The following MLXIP variants were observed in gnomAD, a reference collection of about 807,000 sequenced individuals.
MLXIP encodes the protein MLX-interacting protein.
MLXIP carries 30 observed loss-of-function variants against 87.2 expected under a neutral mutation model. That is an observed-to-expected ratio of 0.34 (90% CI 0.26 to 0.47). The LOEUF is 0.47. Among genes scored for constraint, MLXIP ranks in the 20% least tolerant of loss-of-function variants. The probability of loss-of-function intolerance (pLI) is 1.00; values close to 1 mark genes in which losing one functional copy is unlikely to be tolerated. For synonymous variants in MLXIP, 530 were observed against 514.0 expected (o/e 1.03, Z -0.42); for missense variants, 1,002 against 1,240.1 (o/e 0.81, Z 2.88).
chr12:122,107,670 GC>G, intron 1 of MLXIP, among the ~76,000 whole-genome samples: 1 of 152,276 alleles, frequency 6.6e-6, no homozygotes, highest in South Asian at 2.1e-4. Flanking sequence ...GTTCTGAAAG[GC>G]CAGGTGTCTG....
chr12:122,123,047 G>A (rs1009626507), intron 1 of MLXIP, among the ~76,000 whole-genome samples: 5 of 152,056 alleles, frequency 3.3e-5, no homozygotes, highest in East Asian at 3.9e-4. Flanking sequence ...AAGGGTCCCC[G>A]TGGAGGTCTG....
intron 1 of MLXIP, among the ~76,000 whole-genome samples, chr12:122,108,598 C>G (rs1035986953): frequency 1.3e-5 from 2 of 152,080 alleles, no homozygotes; most frequent in African/African-American, 4.8e-5. Context: ...CCTCTAAATG[C>G]ACGCTGGCCC....
chr12:122,112,361 G>A (rs558461420), intron 1 of MLXIP, among the ~76,000 whole-genome samples: 2 of 152,266 alleles, frequency 1.3e-5, no homozygotes, highest in East Asian at 1.9e-4. Context: ...TGTACAGGCC[G>A]GGCGTGGTGG....
At chr12:122,102,905 G>A (rs532652579) in intron 1 of MLXIP, among the ~76,000 whole-genome samples, 31 of 152,298 alleles carry the variant, frequency 2.0e-4, no homozygotes, top group African/African-American at 6.7e-4. Flanking sequence ...AGTTGTTTAG[G>A]GTCGAAGTGG....
rs1262662873 is a variant in MLXIP at position 122,144,278 on chromosome 12, G to A, written c.*2466G>A. 1.3e-5 allele frequency: 2 copies of A among 152,366 alleles called. No individual in the cohort carries two copies. Among genetic ancestry groups the A allele is most frequent in the Non-Finnish European group, 2.9e-5 (2 of 68,032 alleles). The allele number at this position is 152,366 out of a possible 1,614,324, so 9.4% of individuals were successfully genotyped here. ...AGAAACTTCAAAATGCTGACGCTTT[G>A]GAGAGTAAGAAAATCAATCTTGGCT... On this transcript the variant is annotated 3_prime_UTR_variant, in exon 17 of 17. Transcript: ENST00000319080.
rs756316804 is a variant in MLXIP, at chr12:122,132,376, C to A, written c.1085C>A (p.Pro362His). The stretch of plus-strand genomic sequence containing the variant: ...CCTGTACCAGATCCCAACAACCCAC[C>A]TGCACAGGTAGAGGAAGCTGGGGGA... ...SAPVPDPNNP[P>H]AQESILPTTA... The change falls in exon 8 of 17, where the codon CCT (proline) becomes CAT (histidine). Residue 362 changes from proline (P) to histidine (H), a missense_variant. Pro to His is a moderately conservative substitution (Grantham distance 77, BLOSUM62 -2). Around this residue, in one of 3 missense-constraint regions of MLXIP, gnomAD observed 746 missense variants for 897.0 expected, o/e 0.83. Transcript: ENST00000319080. 6.2e-7 allele frequency: 1 copy of A among 1,611,210 alleles called. No individual in the cohort carries two copies. Among genetic ancestry groups the A allele is most frequent in the Admixed American group, 1.7e-5 (1 of 59,692 alleles).
chr12:122,080,788 T>C (rs369133931), intron 1 of MLXIP, among the ~76,000 whole-genome samples: 75 of 152,338 alleles, frequency 4.9e-4, no homozygotes, highest in African/African-American at 1.8e-3. Context: ...GCAGTTCCAT[T>C]GGAATCAAAC....
At position 122,079,160 on chromosome 12, in the gene MLXIP, A is replaced by G; in HGVS notation, c.307A>G (p.Asn103Asp). The G allele has an allele frequency of 6.4e-7, 1 of 1,550,854 alleles. No individual in the cohort carries two copies. Among genetic ancestry groups the G allele is most frequent in the Middle Eastern group, 1.7e-4 (1 of 5,992 alleles). The change falls in exon 1 of 17, where the codon AAC (asparagine) becomes GAC (aspartate). Residue 103 changes from asparagine to aspartate, a missense_variant. Physicochemically the swap from Asn to Asp is conservative, Grantham distance 23 (BLOSUM62 1). This residue lies in a region of MLXIP where 127 missense variants were observed against 239.0 expected (regional missense o/e 0.53). Coordinates refer to ENST00000319080, the MANE Select transcript of MLXIP (RefSeq NM_014938.6). ...GAAGGGCTACGATTTCGACACGGTC[A>G]ACAAACAGACGTGCCAGACCTACAG... ...PKKGYDFDTV[N>D]KQTCQTYSFG...
chr12:122,096,516 T>C (rs1222713072), intron 1 of MLXIP, among the ~76,000 whole-genome samples: 1 of 152,204 alleles, frequency 6.6e-6, no homozygotes, highest in Non-Finnish European at 1.5e-5. Context: ...ATCACCACTT[T>C]AGGCACCCCT....
rs1284895042 is a variant in MLXIP at position 122,140,893 on chromosome 12, T to G, written c.2509-61T>G. On this transcript the variant is annotated intron_variant, in intron 15 of 16. Coordinates refer to ENST00000319080, the MANE Select transcript of MLXIP (RefSeq NM_014938.6). ...AAAGGAGTACGCCAGTCCAACCACC[T>G]TCGGGTCTGCAGTCCCCAGCCCCTC... 2.5e-6 allele frequency: 4 copies of G among 1,613,442 alleles called. No individual in the cohort carries two copies. In the African/African-American group the frequency reaches 5.3e-5, roughly 22 times the overall value.
chr12:122,146,559 A>G lies in MLXIP; in HGVS notation c.*4747A>G, dbSNP rs73417695. On this transcript the variant is annotated 3_prime_UTR_variant, in exon 17 of 17. Coordinates refer to ENST00000319080, the MANE Select transcript of MLXIP (RefSeq NM_014938.6). ...GACTCTTTGCTTGTCAGGGCTTGCA[A>G]AAACCAACCTTCGAGAAAGAAAAGG... 6,929 of 152,338 alleles carry G rather than the reference A, an allele frequency of 0.045. 476 individuals are homozygous for G. The highest frequency in any genetic ancestry group is 0.15 in the African/African-American group (6,285 of 41,518). 9.4% of individuals were successfully genotyped at this position (152,338 alleles called of 1,614,324 possible).
chr12:122,127,389 G>A (rs1342930219), intron 2 of MLXIP, 27 bp downstream of exon 2: 1 of 1,543,070 alleles, frequency 6.5e-7, no homozygotes, highest in African/African-American at 1.4e-5. Flanking sequence ...CTGGGCGCCG[G>A]TGGTGGTCAG....
rs756690869 is a variant in MLXIP, at chr12:122,129,621, C to T, written c.730C>T (p.Leu244=). The T allele has an allele frequency of 7.4e-6, 12 of 1,612,930 alleles. No homozygotes were observed. The Admixed American group carries it at 2.0e-4, about 27-fold the overall frequency. Residue 244 remains leucine, a synonymous_variant, in exon 5 of 17, where the codon CTG becomes TTG. Coordinates refer to ENST00000319080, the MANE Select transcript of MLXIP (RefSeq NM_014938.6). ...QQHKDEDLSS[L]VQDDDMLYWH... is the part of the protein sequence containing the mutation. Reference sequence around the variant, plus strand: ...GCACAAGGATGAGGACCTCTCCAGCCTGGTCCAGGTGGGTGAGCCTGGGAG... The same window carrying T: ...GCACAAGGATGAGGACCTCTCCAGCTTGGTCCAGGTGGGTGAGCCTGGGAG...
intron 3 of MLXIP, 108 bp downstream of exon 3, chr12:122,128,076 AGCGCCTGCC>A: frequency 9.8e-7 from 1 of 1,022,620 alleles, no homozygotes; most frequent in Non-Finnish European, 1.5e-6. Flanking sequence ...AGGGTAGTGC[AGCGCCTGCC>A]CTGCGCCATC....
intron 1 of MLXIP, among the ~76,000 whole-genome samples, chr12:122,079,973 C>T (rs1393562034): frequency 3.3e-5 from 5 of 152,146 alleles, no homozygotes; most frequent in Admixed American, 1.3e-4. Context: ...GTTTTCTGGC[C>T]GGTCCTGAAA....
At chr12:122,129,653 G>A in intron 5 of MLXIP, 24 bp downstream of exon 5, 1 of 1,566,652 alleles carries the variant, frequency 6.4e-7, no homozygotes, top group Non-Finnish European at 8.6e-7. Context: ...GGAGCTCTGA[G>A]GACCCCCACT....
At chr12:122,081,615 A>T (rs1486023576) in intron 1 of MLXIP, among the ~76,000 whole-genome samples, 2 of 152,136 alleles carry the variant, frequency 1.3e-5, no homozygotes, top group African/African-American at 4.8e-5. Flanking sequence ...TGAGCCCAGG[A>T]GTTCAAGATC....
rs1225459073 is a variant in MLXIP at position 122,146,713 on chromosome 12, A to G, written c.*4901A>G. On this transcript the variant is annotated 3_prime_UTR_variant, in exon 17 of 17. Coordinates refer to ENST00000319080, the MANE Select transcript of MLXIP (RefSeq NM_014938.6). ...TTCCCCTCCAATCGTGTCAGAATTT[A>G]CCTCCATGCCCCAGTCACACTGTTG... 1 of 151,916 alleles carries G rather than the reference A, an allele frequency of 6.6e-6. No homozygotes were observed. Among genetic ancestry groups the G allele is most frequent in the Non-Finnish European group, 1.5e-5 (1 of 68,020 alleles). 9.4% of individuals were successfully genotyped at this position (151,916 alleles called of 1,614,324 possible).
At chr12:122,127,801 T>A in intron 2 of MLXIP, 82 bp from the exon 3 acceptor site, 2 of 1,092,302 alleles carry the variant, frequency 1.8e-6, no homozygotes. Flanking sequence ...TGGTCTGCCC[T>A]AGGGGAGGGG....
Sources: allele counts gnomAD v4.1 joint callset (sites outside exome capture counted in the v4.1 genomes callset), GRCh38; gene constraint gnomAD v4.1.1; regional missense constraint gnomAD v4.1.1; transcripts MANE v1.5; gene names NCBI Gene and HGNC (gene_info 2026-07-23, HGNC 2026-07-21).